The following ACYP2 variants were observed in gnomAD, a reference collection of about 807,000 sequenced individuals.
The protein encoded by ACYP2 is acylphosphatase 2, also known as acylphosphatase-2.
In ACYP2, 12 loss-of-function variants were observed where a neutral mutation model predicts 11.2. The ratio of observed to expected loss-of-function variants is 1.08; its 90% CI spans 0.69 to 1.74. The LOEUF (loss-of-function observed/expected upper bound fraction) is 1.74. Among genes scored for constraint, ACYP2 ranks in the 40% most tolerant of loss-of-function variants. ACYP2 has a pLI of 0.00. For missense variants in ACYP2, 134 were observed against 101.9 expected, an observed-to-expected ratio of 1.31 and a Z score of -1.35; for synonymous variants, 43 against 32.2, an observed-to-expected ratio of 1.33 and a Z score of -1.13.
chr2:54,011,992 T>C (rs1442703501), intron 2 of ACYP2, among the ~76,000 whole-genome samples: 1 of 152,152 alleles, frequency 6.6e-6, no homozygotes, highest in Non-Finnish European at 1.5e-5. Flanking sequence ...TCCTAGCACT[T>C]TGAGAGGCCG....
rs1157835910 is a variant in ACYP2, at chr2:54,238,179, T to C, written c.405-66509T>C. On this transcript the variant is annotated intron_variant, in intron 6 of 6. Coordinates refer to ENST00000607452, the MANE Select transcript of ACYP2 (RefSeq NM_001320586.2). ...CTCCTCTCCCATATTGTTCTCTAAC[T>C]CTTTACCTGGTTTTATGCTTCTTCA... Among the ~76,000 whole-genome samples the C allele has an allele frequency of 2.0e-5, 3 of 152,246 alleles. No homozygotes were observed. In the East Asian group the frequency reaches 5.8e-4, roughly 29 times the overall value.
chr2:54,168,810 A>G (rs534498170), intron 6 of ACYP2, among the ~76,000 whole-genome samples: 3 of 152,306 alleles, frequency 2.0e-5, no homozygotes, highest in East Asian at 3.9e-4. Context: ...ATAACACATT[A>G]ATTGTAATTG....
intron 2 of ACYP2, among the ~76,000 whole-genome samples, chr2:54,007,400 T>C (rs1673132893): frequency 6.6e-6 from 1 of 151,708 alleles, no homozygotes; most frequent in Admixed American, 6.6e-5. Flanking sequence ...ACTACAGGCA[T>C]GTGCCACCAT....
chr2:54,084,267 C>A (rs184218694), intron 4 of ACYP2, among the ~76,000 whole-genome samples: 15 of 152,174 alleles, frequency 9.9e-5, no homozygotes, highest in Middle Eastern at 3.4e-3. Context: ...AAATGCAAAT[C>A]TTAGTATTCA....
chr2:54,088,778 G>C (rs1678076210), intron 4 of ACYP2, among the ~76,000 whole-genome samples: 1 of 152,226 alleles, frequency 6.6e-6, no homozygotes, highest in South Asian at 2.1e-4. Flanking sequence ...GAGTCTGCCA[G>C]AGTTTTCATT....
At position 53,972,169 on chromosome 2, in the gene ACYP2, G is replaced by A. The variant is rs1020198116; in HGVS notation, c.-37+848G>A. ...CTAAAAATACAAAAAAGTTAGCCGG[G>A]CGTGGTGGCGGACGCCTGTAATCCC... On this transcript the variant is annotated intron_variant, in intron 1 of 6. Transcript: ENST00000607452. Among the ~76,000 whole-genome samples, 5 of 151,182 alleles carry A rather than the reference G, an allele frequency of 3.3e-5. No individual in the cohort carries two copies. In the East Asian group the frequency reaches 7.8e-4, roughly 23 times the overall value.
chr2:53,997,091 A>G (rs1672608700), intron 2 of ACYP2, among the ~76,000 whole-genome samples: 1 of 152,160 alleles, frequency 6.6e-6, no homozygotes, highest in African/African-American at 2.4e-5. Flanking sequence ...TTGTATTTAC[A>G]GATCTCTTGT....
intron 2 of ACYP2, among the ~76,000 whole-genome samples, chr2:53,994,512 CAGAAAAAAA>C (rs1318138865): frequency 1.6e-4 from 5 of 30,502 alleles, no homozygotes; most frequent in Admixed American, 4.2e-4. Context: ...GAGTAAGACT[CAGAAAAAAA>C]AAAAAAAAAA....
chr2:54,105,778 G>A (rs980957018), intron 4 of ACYP2, among the ~76,000 whole-genome samples: 2 of 152,032 alleles, frequency 1.3e-5, no homozygotes, highest in Non-Finnish European at 2.9e-5. Flanking sequence ...ACAGGCATGA[G>A]CCATTGCGCC....
At chr2:54,272,046 T>C (rs368737369) in intron 6 of ACYP2, among the ~76,000 whole-genome samples, 1 of 152,156 alleles carries the variant, frequency 6.6e-6, no homozygotes, top group Non-Finnish European at 1.5e-5. Context: ...GTTCCTCAAC[T>C]GAGGAAGCCA....
chr2:54,116,975 G>A (rs747229532), intron 4 of ACYP2, among the ~76,000 whole-genome samples: 3 of 152,160 alleles, frequency 2.0e-5, no homozygotes, highest in Non-Finnish European at 4.4e-5. Context: ...GACCAGGGGT[G>A]ACTCAGGATG....
chr2:54,120,835 T>C (rs1680108230), intron 4 of ACYP2, among the ~76,000 whole-genome samples: 1 of 152,196 alleles, frequency 6.6e-6, no homozygotes, highest in Admixed American at 6.5e-5. Context: ...AACTTGGAGA[T>C]GCCAGCAACC....
intron 2 of ACYP2, among the ~76,000 whole-genome samples, chr2:54,037,081 A>C (rs539283153): frequency 1.8e-4 from 27 of 151,484 alleles, no homozygotes; most frequent in Non-Finnish European, 3.5e-4. Context: ...GTAGAGAAAA[A>C]CTCCTTTAGA....
At chr2:54,134,209 C>T (rs1026514261) in intron 4 of ACYP2, among the ~76,000 whole-genome samples, 1 of 152,084 alleles carries the variant, frequency 6.6e-6, no homozygotes, top group African/African-American at 2.4e-5. Flanking sequence ...AGGAAGATCC[C>T]TTGAGCCCAG....
In ACYP2 at chr2:54,138,707, G is replaced by A. The variant is rs1363971370; in HGVS notation, c.363G>A (p.Val121=). 6.2e-7 allele frequency: 1 copy of A among 1,614,126 alleles called. No individual in the cohort carries two copies. The highest frequency in any genetic ancestry group is 2.2e-5 in the East Asian group (1 of 44,890). The change falls in exon 6 of 7, where the codon GTG becomes GTA. Residue 121 remains valine (V), a synonymous_variant. Transcript: ENST00000607452. ...TGAAGAATACCAGCAAAGGCACCGT[G>A]ACAGGCCAAGTGCAGGGGCCAGAAG...
At chr2:54,044,330 C>T (rs1040850001) in intron 2 of ACYP2, among the ~76,000 whole-genome samples, 2 of 152,046 alleles carry the variant, frequency 1.3e-5, no homozygotes, top group African/African-American at 2.4e-5. Context: ...TGCGGTGGCT[C>T]ATGCCTGTAA....
intron 4 of ACYP2, among the ~76,000 whole-genome samples, chr2:54,105,011 T>C (rs886577450): frequency 1.3e-5 from 2 of 152,196 alleles, no homozygotes; most frequent in African/African-American, 4.8e-5. Context: ...TAGCAAACTA[T>C]CTAGTGGTCT....
intron 2 of ACYP2, among the ~76,000 whole-genome samples, chr2:54,048,516 A>T (rs1200669497): frequency 6.6e-6 from 1 of 152,122 alleles, no homozygotes; most frequent in Non-Finnish European, 1.5e-5. Context: ...CAATTAGTTA[A>T]TTTTTTTAGA....
At chr2:54,132,079 G>A (rs78152430) in intron 4 of ACYP2, among the ~76,000 whole-genome samples, 3,508 of 152,274 alleles carry the variant, frequency 0.023, 124 homozygotes, top group African/African-American at 0.075. Flanking sequence ...ACTCAGAGGG[G>A]AATATACACA....
Sources: allele counts gnomAD v4.1 joint callset (sites outside exome capture counted in the v4.1 genomes callset), GRCh38; gene constraint gnomAD v4.1.1; transcripts MANE v1.5; gene names NCBI Gene and HGNC (gene_info 2026-07-23, HGNC 2026-07-21).